Variants in FRMD1 observed in about 807,000 individuals in gnomAD.
FRMD1 encodes the protein FERM domain-containing protein 1.
A neutral mutation model predicts 54.9 loss-of-function variants in FRMD1; 51 were observed. The ratio of observed to expected loss-of-function variants is 0.93; its 90% confidence interval spans 0.74 to 1.17. The LOEUF is 1.17. Ranked by LOEUF, FRMD1 falls within the 50% of genes most tolerant of loss-of-function variation. The probability of loss-of-function intolerance (pLI) is 0.00; values close to 1 mark genes in which losing one functional copy is unlikely to be tolerated. For missense variants in FRMD1, 729 were observed against 743.0 expected, an observed-to-expected ratio of 0.98 and a Z score of 0.22; for synonymous variants, 324 against 306.4, an observed-to-expected ratio of 1.06 and a Z score of -0.60.
chr6:168,071,883 T>C (rs2114998446), intron 2 of FRMD1, among the ~76,000 whole-genome samples: 1 of 152,352 alleles, frequency 6.6e-6, no homozygotes, highest in African/African-American at 2.4e-5. Flanking sequence ...CCTCATCCTG[T>C]GCTGACCTTC....
upstream of FRMD1, among the ~76,000 whole-genome samples, chr6:168,079,572 G>A (rs1010434106): frequency 4.6e-5 from 7 of 152,218 alleles, no homozygotes; most frequent in Non-Finnish European, 5.9e-5. Flanking sequence ...GAGGGCGGGA[G>A]GAAGGCAGCC....
rs143374679 is a variant in FRMD1, at chr6:168,068,956, C to T, written c.305-1510G>A. On this transcript the variant is annotated intron_variant, in intron 2 of 10. Coordinates refer to ENST00000283309, the MANE Select transcript of FRMD1 (RefSeq NM_024919.6). ...CTTAGTACCTGGCTCTTCTAGACGG[C>T]GTTAGACCCAGGGGGAGGCTCCAAG... Among the ~76,000 whole-genome samples the T allele has an allele frequency of 5.1e-3, 780 of 152,314 alleles. 8 individuals carry two copies. Among genetic ancestry groups the T allele is most frequent in the African/African-American group, 0.018 (741 of 41,568 alleles).
At chr6:168,061,724 G>T in intron 8 of FRMD1, 83 bp downstream of exon 8, 2 of 1,373,990 alleles carry the variant, frequency 1.5e-6, no homozygotes, top group Non-Finnish European at 2.0e-6. Flanking sequence ...AGAAGGCATA[G>T]TCCGGCCAGA....
At chr6:168,062,650 G>A (rs1029773237) in intron 7 of FRMD1, 44 of 1,549,134 alleles carry the variant, frequency 2.8e-5, no homozygotes, top group South Asian at 8.3e-5. Flanking sequence ...TCCAGGGCAC[G>A]GGGACCCCCC....
intron 8 of FRMD1, 49 bp downstream of exon 8, chr6:168,061,758 A>G: frequency 6.7e-7 from 1 of 1,502,760 alleles, no homozygotes; most frequent in Non-Finnish European, 8.9e-7. Context: ...AGCCTAGCCC[A>G]GAAGGCACAG....
chr6:168,090,185 T>A (rs2341611), intron 1 of FRMD1, among the ~76,000 whole-genome samples: 2 of 151,550 alleles, frequency 1.3e-5, no homozygotes, highest in Non-Finnish European at 2.9e-5. Flanking sequence ...ATGTTGGCAA[T>A]GGGCTCTAGA....
At chr6:168,081,323 G>A (rs1464289382), upstream of FRMD1, 6 of 1,499,350 alleles carry the variant, frequency 4.0e-6, no homozygotes, top group Non-Finnish European at 5.3e-6. Context: ...GGCGTGACCG[G>A]GCCCCAACAC....
rs987287059 is a variant in FRMD1, at chr6:168,055,611, C to T, written c.*1486G>A. The T allele has an allele frequency of 6.6e-6, 1 of 152,152 alleles. No homozygotes were observed. The highest frequency in any genetic ancestry group is 2.4e-5 in the African/African-American group (1 of 41,448). The allele number at this position is 152,152 out of a possible 1,614,324, so 9.4% of individuals were successfully genotyped here. A position where few individuals can be genotyped will look rare whatever the true frequency, so the allele number is the denominator to read the frequency against. On this transcript the variant is annotated 3_prime_UTR_variant, in exon 11 of 11. Coordinates refer to ENST00000283309, the MANE Select transcript of FRMD1 (RefSeq NM_024919.6). ...AATGGGAATGGCTTTGGGAAGTGCCCACATGCTCACATCTGAGCCAGCACT... is the reference window on the plus strand; with the variant it reads ...AATGGGAATGGCTTTGGGAAGTGCCTACATGCTCACATCTGAGCCAGCACT...
At chr6:168,084,410 G>C (rs568941541), upstream of FRMD1, among the ~76,000 whole-genome samples, 4 of 152,360 alleles carry the variant, frequency 2.6e-5, no homozygotes, top group East Asian at 1.9e-4. Context: ...AAGCCATAGA[G>C]AGCCAACAAT....
Position 168,079,100 on chromosome 6 carries a change from C to A in FRMD1, c.-6G>T. The A allele has an allele frequency of 1.9e-6, 3 of 1,592,298 alleles. No homozygotes were observed. Among genetic ancestry groups the A allele is most frequent in the South Asian group, 2.2e-5 (2 of 89,600 alleles). ...CCTCTCGGGGGCACCGCCATGCTGT[C>A]GTTACTCGGCCCTCCCCCGCCATGG... On this transcript the variant is annotated 5_prime_UTR_variant, in exon 1 of 11. Coordinates refer to ENST00000283309, the MANE Select transcript of FRMD1 (RefSeq NM_024919.6).
intron 5 of FRMD1, among the ~76,000 whole-genome samples, chr6:168,063,967 G>A (rs528225666): frequency 7.9e-4 from 121 of 152,286 alleles, no homozygotes; most frequent in African/African-American, 2.7e-3. Flanking sequence ...TGTCCCCCTC[G>A]GGTCCTCCCC....
Position 168,063,620 on chromosome 6 carries a change from T to G in FRMD1, c.785A>C (p.His262Pro), listed in dbSNP as rs774847393. 3 of 1,612,404 alleles carry G rather than the reference T, an allele frequency of 1.9e-6. No individual in the cohort carries two copies. The highest frequency in any genetic ancestry group is 1.7e-5 in the Admixed American group (1 of 59,904). Residue 262 changes from histidine to proline, a missense_variant, in exon 6 of 11, where the codon CAC becomes CCC. His to Pro is a moderately conservative substitution (Grantham distance 77). Transcript: ENST00000283309. ...EACRLEDVPVHFFRLHKDKKE... is the reference protein window; with the variant it reads ...EACRLEDVPVPFFRLHKDKKE... ...CTCGACCTTGTGCAGCCTGAAGAAG[T>G]GCACGGGCACGTCCTCCAGCCGGCA...
intron 1 of FRMD1, among the ~76,000 whole-genome samples, chr6:168,086,874 C>A (rs1277250827): frequency 6.6e-6 from 1 of 152,256 alleles, no homozygotes; most frequent in Non-Finnish European, 1.5e-5. Context: ...CCTTGGGCAC[C>A]TGTTAGCCAG....
chr6:168,068,557 ACT>A (rs1448743368), intron 2 of FRMD1, among the ~76,000 whole-genome samples: 2 of 152,322 alleles, frequency 1.3e-5, no homozygotes, highest in East Asian at 3.9e-4. Context: ...TCTTTGTTGT[ACT>A]GTGTTGTTAA....
Position 168,079,045 on chromosome 6 carries a change from G to T in FRMD1, c.50C>A (p.Pro17His), listed in dbSNP as rs763682254. ...GRGIDPARTN[P>H]DTFPPSGARC... The stretch of plus-strand genomic sequence containing the variant: ...CGCCCCTGAAGGAGGGAACGTGTCA[G>T]GGTTTGTCCGGGCGGGGTCTATGCC... The change falls in exon 1 of 11, where the codon CCT becomes CAT. Residue 17 changes from proline to histidine, a missense_variant. Transcript: ENST00000283309. The T allele has an allele frequency of 2.1e-5, 34 of 1,610,706 alleles. No homozygotes were observed. The highest frequency in any genetic ancestry group is 1.7e-6 in the Non-Finnish European group (2 of 1,179,950).
chr6:168,077,070 G>A (rs1279402622), intron 1 of FRMD1, among the ~76,000 whole-genome samples: 1 of 152,026 alleles, frequency 6.6e-6, no homozygotes, highest in Non-Finnish European at 1.5e-5. Context: ...TCCTACTGCA[G>A]ACTCAGATGC....
At chr6:168,081,729 C>T (rs1456771377), upstream of FRMD1, 10 of 458,146 alleles carry the variant, frequency 2.2e-5, no homozygotes, top group Admixed American at 1.5e-4. Flanking sequence ...TGCAAAAGGC[C>T]GGGCTCCATT....
In FRMD1 at chr6:168,060,817, G is replaced by A. The variant is rs769129690; in HGVS notation, c.1286C>T (p.Pro429Leu). 13 of 1,613,204 alleles carry A rather than the reference G, an allele frequency of 8.1e-6. No individual in the cohort carries two copies. In the East Asian group the frequency reaches 2.2e-4, roughly 28 times the overall value. The stretch of plus-strand genomic sequence containing the variant: ...GCGGCTGGTCCTGGGGCTGGAGGAC[G>A]GCTCCTTCTCATGGAGCCCGTGGAC... Reference protein sequence around the residue: ...LEVHGLHEKEPSSSPRTSRSH... With the variant: ...LEVHGLHEKELSSSPRTSRSH... Residue 429 changes from proline (P) to leucine (L), a missense_variant, in exon 9 of 11, where the codon CCG becomes CTG. Coordinates refer to ENST00000283309, the MANE Select transcript of FRMD1 (RefSeq NM_024919.6).
intron 2 of FRMD1, 123 bp downstream of exon 2, chr6:168,075,122 T>A: frequency 1.3e-6 from 1 of 772,532 alleles, no homozygotes; most frequent in South Asian, 1.5e-5. Flanking sequence ...TGTGTGCATG[T>A]GTACATATGA....
Sources: gnomAD v4.1 joint callset for allele counts (sites outside exome capture counted in the v4.1 genomes callset) on GRCh38, gnomAD v4.1.1 for gene constraint, MANE v1.5 for transcripts, NCBI Gene and HGNC (gene_info 2026-07-23, HGNC 2026-07-21) for gene names.